The following NCSTN variants were observed in gnomAD, a reference collection of about 807,000 sequenced individuals.
The protein encoded by NCSTN is nicastrin.
Under a neutral mutation model 87.0 loss-of-function variants are expected in NCSTN, and 22 were observed. The observed-to-expected ratio is 0.25, with a 90% confidence interval of 0.18 to 0.36. The LOEUF (loss-of-function observed/expected upper bound fraction) is 0.36, where lower values mean the gene tolerates loss of function less well. Ranked by LOEUF, NCSTN falls within the 10% of genes least tolerant of loss-of-function variation. The probability of loss-of-function intolerance (pLI) is 1.00; values close to 1 mark genes in which losing one functional copy is unlikely to be tolerated. For missense variants in NCSTN, 693 were observed against 883.3 expected, an observed-to-expected ratio of 0.78 and a Z score of 2.73; for synonymous variants, 306 against 327.1, an observed-to-expected ratio of 0.94 and a Z score of 0.69.
At chr1:160,352,029 C>T (rs1421896323) in intron 7 of NCSTN, 25 bp from the exon 8 acceptor site, 2 of 1,613,614 alleles carry the variant, frequency 1.2e-6, no homozygotes, top group Non-Finnish European at 8.5e-7. Flanking sequence ...TATATATCCC[C>T]TGACTTTTCT....
intron 2 of NCSTN, 110 bp from the exon 3 acceptor site, chr1:160,348,888 AC>A (rs1461527536): frequency 6.7e-7 from 1 of 1,487,480 alleles, no homozygotes; most frequent in Non-Finnish European, 9.4e-7. Context: ...GCCTGTATTC[AC>A]CCAAATATGT....
At chr1:160,352,331 A>T in intron 8 of NCSTN, 125 bp downstream of exon 8, 1 of 1,055,286 alleles carries the variant, frequency 9.5e-7, no homozygotes, top group South Asian at 1.5e-5. Flanking sequence ...GAGCTTCTGG[A>T]TGTGTCTACA....
intron 16 of NCSTN, 27 bp from the exon 17 acceptor site, chr1:160,358,122 C>G (rs1278105120): frequency 6.2e-7 from 1 of 1,614,030 alleles, no homozygotes; most frequent in Non-Finnish European, 8.5e-7. Context: ...ATGCCTTTGT[C>G]CTTTCCTGCC....
chr1:160,356,511 T>A (rs1384469285), intron 14 of NCSTN, 89 bp from the exon 15 acceptor site: 1 of 1,552,618 alleles, frequency 6.4e-7, no homozygotes, highest in Non-Finnish European at 8.9e-7. Flanking sequence ...TCCATTGCCC[T>A]TCTTTCTGGC....
In NCSTN at chr1:160,352,912, C is replaced by G; in HGVS notation, c.1022C>G (p.Ser341Trp). ...GAAACTTTTGACTACATTGGCAGCT[C>G]GAGGATGGTCTACGATATGGAGAAG... is the stretch of plus-strand genomic sequence containing the variant. ...QGETFDYIGS[S>W]RMVYDMEKGK... The change falls in exon 9 of 17, where the codon TCG becomes TGG. Residue 341 changes from serine (S) to tryptophan (W), a missense_variant. By Grantham distance (177) the Ser-to-Trp change is radical. Around this residue, in one of 4 missense-constraint regions of NCSTN, gnomAD observed 134 missense variants for 226.0 expected, o/e 0.59. Transcript: ENST00000294785. The G allele has an allele frequency of 6.2e-7, 1 of 1,614,130 alleles. No individual in the cohort carries two copies. Among genetic ancestry groups the G allele is most frequent in the Non-Finnish European group, 8.5e-7 (1 of 1,180,002 alleles).
At chr1:160,350,353 G>T in intron 5 of NCSTN, 103 bp downstream of exon 5, 1 of 1,344,038 alleles carries the variant, frequency 7.4e-7, no homozygotes, top group Non-Finnish European at 1.0e-6. Flanking sequence ...CCGGGAGGCT[G>T]AGACAGGAGG....
At chr1:160,349,876 ATC>A (rs1191032014) in intron 4 of NCSTN, among the ~76,000 whole-genome samples, 1 of 152,028 alleles carries the variant, frequency 6.6e-6, no homozygotes, top group Non-Finnish European at 1.5e-5. Context: ...ACCTGGCATT[ATC>A]TCTTTTTGTC....
intron 11 of NCSTN, among the ~76,000 whole-genome samples, chr1:160,354,831 C>T (rs1649050070): frequency 6.6e-6 from 1 of 152,168 alleles, no homozygotes; most frequent in Non-Finnish European, 1.5e-5. Flanking sequence ...TTAACTGCTC[C>T]TAACTTGAGG....
At position 160,353,420 on chromosome 1, in the gene NCSTN, G is replaced by T; in HGVS notation, c.1179+183G>T. 3.3e-6 allele frequency: 5 copies of T among 1,495,314 alleles called. No homozygotes were observed. In the Admixed American group the frequency reaches 8.4e-5, roughly 25 times the overall value. 92.6% of individuals were successfully genotyped at this position (1,495,314 alleles called of 1,614,324 possible). ...GCTGCTGGGAAGAATCAGGAACTCA[G>T]TGACATTCCATTGGTTCCCTGGACT... On this transcript the variant is annotated intron_variant, in intron 10 of 16. Transcript: ENST00000294785.
rs1649059883 is a variant in NCSTN, at chr1:160,355,128, G to A, written c.1353-527G>A. Among the ~76,000 whole-genome samples, 3 of 152,184 alleles carry A rather than the reference G, an allele frequency of 2.0e-5. No homozygotes were observed. In the South Asian group the frequency reaches 6.2e-4, roughly 31 times the overall value. ...GGGACAGGGATTTACTGATGGTAAA[G>A]ACTGTGGAGCTCAGCCTCTCTTTTA... On this transcript the variant is annotated intron_variant, in intron 11 of 16. Coordinates refer to ENST00000294785, the MANE Select transcript of NCSTN (RefSeq NM_015331.3).
intron 2 of NCSTN, among the ~76,000 whole-genome samples, chr1:160,348,245 C>T (rs1434105389): frequency 2.0e-5 from 3 of 152,238 alleles, no homozygotes; most frequent in Non-Finnish European, 2.9e-5. Context: ...CATCCATCCT[C>T]TAATACAGTG....
chr1:160,347,695 C>T (rs547640247), intron 2 of NCSTN, among the ~76,000 whole-genome samples: 3 of 152,212 alleles, frequency 2.0e-5, no homozygotes, highest in South Asian at 4.1e-4. Flanking sequence ...CTGCAGCCTC[C>T]GCCTCCCAGG....
At chr1:160,355,584 A>G (rs1649084706) in intron 11 of NCSTN, 71 bp from the exon 12 acceptor site, 2 of 1,078,310 alleles carry the variant, frequency 1.9e-6, no homozygotes, top group Admixed American at 3.4e-5. Context: ...CTGCATAAGG[A>G]GCATTTGAGG....
intron 2 of NCSTN, among the ~76,000 whole-genome samples, chr1:160,345,952 A>G (rs574857229): frequency 6.6e-6 from 1 of 151,724 alleles, no homozygotes; most frequent in East Asian, 1.9e-4. Context: ...AAAAAAAAAA[A>G]AAAAAAAAAG....
At chr1:160,344,475 G>A (rs1648331895) in intron 1 of NCSTN, 1 of 1,517,780 alleles carries the variant, frequency 6.6e-7, no homozygotes, top group Non-Finnish European at 8.8e-7. Context: ...CTCTCTTTTA[G>A]TGTCACTGTC....
At chr1:160,345,159 G>A (rs981698499) in intron 2 of NCSTN, 34 of 388,014 alleles carry the variant, frequency 8.8e-5, no homozygotes, top group Non-Finnish European at 1.4e-4. Context: ...AATAAGTGAT[G>A]ATGCCAGGAT....
chr1:160,353,537 A>C, intron 10 of NCSTN: 2 of 1,290,040 alleles, frequency 1.6e-6, no homozygotes, highest in Non-Finnish European at 2.0e-6. Context: ...TTGCTGCCCC[A>C]TGGATCCAAT....
chr1:160,356,143 A>AC (rs1417172513), intron 13 of NCSTN, 117 bp from the exon 14 acceptor site: 59 of 1,068,704 alleles, frequency 5.5e-5, no homozygotes, highest in Middle Eastern at 4.5e-4. Context: ...CTGTCTCCCA[A>AC]CTCCAGTCTA....
intron 15 of NCSTN, 141 bp from the exon 16 acceptor site, chr1:160,356,900 G>A: frequency 3.6e-6 from 5 of 1,378,874 alleles, no homozygotes; most frequent in Non-Finnish European, 4.1e-6. Context: ...GAAAAGCCTG[G>A]GTGAAAATGG....
Sources: allele counts gnomAD v4.1 joint callset (sites outside exome capture counted in the v4.1 genomes callset), GRCh38; gene constraint gnomAD v4.1.1; regional missense constraint gnomAD v4.1.1; transcripts MANE v1.5; gene names NCBI Gene and HGNC (gene_info 2026-07-23, HGNC 2026-07-21).